SORCS1: variants seen among roughly 807,000 people sequenced by gnomAD.
SORCS1 encodes VPS10 domain-containing receptor SorCS1.
A neutral mutation model predicts 146.1 loss-of-function variants in SORCS1; 60 were observed. The observed-to-expected ratio is 0.41, with a 90% CI of 0.33 to 0.51. The LOEUF is 0.51. SORCS1 is among the 20% of genes least tolerant of loss of function. The pLI, the probability that SORCS1 is intolerant of heterozygous loss-of-function variation, is 0.21. For missense variants in SORCS1, 1,352 were observed against 1,487.6 expected, an observed-to-expected ratio of 0.91 and a Z score of 1.50; for synonymous variants, 637 against 584.0, an observed-to-expected ratio of 1.09 and a Z score of -1.31.
chr10:107,114,274 T>C (rs1171356554), intron 1 of SORCS1, among the ~76,000 whole-genome samples: 2 of 152,190 alleles, frequency 1.3e-5, no homozygotes, highest in Non-Finnish European at 2.9e-5. Context: ...ACTAATTTTA[T>C]GAGGCCAGCA....
At chr10:107,031,088 G>A (rs1416926994) in intron 1 of SORCS1, among the ~76,000 whole-genome samples, 4 of 152,132 alleles carry the variant, frequency 2.6e-5, no homozygotes, top group Non-Finnish European at 5.9e-5. Flanking sequence ...CCTATGTGGA[G>A]GGTATTCATG....
In SORCS1 at chr10:107,141,446, G is replaced by T. The variant is rs676566; in HGVS notation, c.558+22523C>A. ...GCTGAGGAAGTATGCAGTGAGCCCA[G>T]TGGGGATTATTGGACTATTTTTCAA... On this transcript the variant is annotated intron_variant, in intron 1 of 25. Coordinates refer to ENST00000263054, the MANE Select transcript of SORCS1 (RefSeq NM_052918.5). Among the ~76,000 whole-genome samples, 327 of 152,014 alleles carry T rather than the reference G, an allele frequency of 2.2e-3. 2 individuals carry two copies. Among genetic ancestry groups the T allele is most frequent in the African/African-American group, 7.4e-3 (307 of 41,452 alleles).
At chr10:107,074,290 G>A (rs1455595273) in intron 1 of SORCS1, among the ~76,000 whole-genome samples, 1 of 152,076 alleles carries the variant, frequency 6.6e-6, no homozygotes, top group Non-Finnish European at 1.5e-5. Flanking sequence ...TTGGAATCAC[G>A]CATTATGCAG....
intron 1 of SORCS1, among the ~76,000 whole-genome samples, chr10:107,021,291 T>A (rs1283638713): frequency 6.6e-6 from 1 of 151,862 alleles, no homozygotes; most frequent in Non-Finnish European, 1.5e-5. Context: ...GGCAGGTGGA[T>A]CACGAGGTCA....
intron 1 of SORCS1, among the ~76,000 whole-genome samples, chr10:107,086,366 C>A (rs1444608626): frequency 6.6e-6 from 1 of 152,092 alleles, no homozygotes; most frequent in South Asian, 2.1e-4. Flanking sequence ...CATTTAAAGA[C>A]AAGTTTTTAA....
At chr10:106,973,251 T>C (rs938607923) in intron 1 of SORCS1, among the ~76,000 whole-genome samples, 1 of 152,112 alleles carries the variant, frequency 6.6e-6, no homozygotes, top group African/African-American at 2.4e-5. Flanking sequence ...GTAAAGAAGG[T>C]TAAGGAAGGC....
chr10:106,774,795 T>C (rs1382517197), intron 4 of SORCS1, among the ~76,000 whole-genome samples: 2 of 152,200 alleles, frequency 1.3e-5, no homozygotes, highest in Non-Finnish European at 2.9e-5. Flanking sequence ...GTTAATCATC[T>C]ATCTCCAGAT....
At chr10:106,710,456 C>G (rs1157492064) in intron 6 of SORCS1, among the ~76,000 whole-genome samples, 2 of 132,832 alleles carry the variant, frequency 1.5e-5, no homozygotes, top group Admixed American at 1.5e-4. Context: ...AAAAGCAAAA[C>G]CGAATTGGGA....
At chr10:107,164,895 C>T (rs1969996612), upstream of SORCS1, among the ~76,000 whole-genome samples, 2 of 147,904 alleles carry the variant, frequency 1.4e-5, no homozygotes, top group South Asian at 2.1e-4. The surrounding 1 kb of genome is among the most constrained non-coding windows in gnomAD (Gnocchi z 6.8). Flanking sequence ...CTGGAGGCGC[C>T]GCCGGCGACC....
intron 1 of SORCS1, among the ~76,000 whole-genome samples, chr10:107,057,732 T>C (rs1452837912): frequency 6.6e-6 from 1 of 152,230 alleles, no homozygotes; most frequent in Non-Finnish European, 1.5e-5. Flanking sequence ...AGAACACATA[T>C]ATCCTTTTCA....
intron 2 of SORCS1, among the ~76,000 whole-genome samples, chr10:106,832,853 A>G (rs1948613912): frequency 6.6e-6 from 1 of 152,176 alleles, no homozygotes; most frequent in Non-Finnish European, 1.5e-5. Context: ...ACTAGTCTAT[A>G]GAGAGTGTGA....
At chr10:106,645,550 A>G (rs1447808491) in intron 18 of SORCS1, among the ~76,000 whole-genome samples, 1 of 152,092 alleles carries the variant, frequency 6.6e-6, no homozygotes, top group Non-Finnish European at 1.5e-5. Context: ...ATATTATTAT[A>G]AATTAAGTTG....
At chr10:106,731,069 GGA>G (rs1489395989) in intron 5 of SORCS1, among the ~76,000 whole-genome samples, 4 of 151,262 alleles carry the variant, frequency 2.6e-5, no homozygotes, top group Admixed American at 2.6e-4. Context: ...CAGCACTTTG[GGA>G]GGCTGAGGTG....
At chr10:106,921,219 C>G (rs1164232960) in intron 2 of SORCS1, among the ~76,000 whole-genome samples, 1 of 152,104 alleles carries the variant, frequency 6.6e-6, no homozygotes, top group Non-Finnish European at 1.5e-5. Flanking sequence ...TCATGGGGCT[C>G]AAAGTGAGGG....
intron 1 of SORCS1, among the ~76,000 whole-genome samples, chr10:107,073,951 C>T (rs1483213739): frequency 5.3e-5 from 8 of 151,948 alleles, no homozygotes; most frequent in Non-Finnish European, 1.2e-4. Flanking sequence ...CCATATATTC[C>T]GTGCTCCCAC....
intron 1 of SORCS1, among the ~76,000 whole-genome samples, chr10:107,074,372 A>AG (rs1487924538): frequency 3.3e-5 from 5 of 152,206 alleles, no homozygotes; most frequent in African/African-American, 1.2e-4. Context: ...ATGACTTGAT[A>AG]GCTCATTTCT....
At chr10:106,929,813 A>G (rs563272831) in intron 2 of SORCS1, among the ~76,000 whole-genome samples, 2 of 152,250 alleles carry the variant, frequency 1.3e-5, no homozygotes, top group Admixed American at 1.3e-4. Context: ...TAATCAGAGC[A>G]CTTGGTTGCT....
chr10:106,855,473 A>G (rs1949750172), intron 2 of SORCS1, among the ~76,000 whole-genome samples: 1 of 151,998 alleles, frequency 6.6e-6, no homozygotes, highest in Non-Finnish European at 1.5e-5. Flanking sequence ...TGCTTCATAC[A>G]TTGCTTGTTT....
At chr10:106,716,077 T>C (rs1023143322) in intron 6 of SORCS1, among the ~76,000 whole-genome samples, 1 of 152,202 alleles carries the variant, frequency 6.6e-6, no homozygotes, top group Admixed American at 6.5e-5. Context: ...ATTCAATTTT[T>C]GTTTGGGTTA....
Sources: gnomAD v4.1 joint callset for allele counts (sites outside exome capture counted in the v4.1 genomes callset) on GRCh38, gnomAD v4.1.1 for gene constraint, Gnocchi (gnomAD v3.1) non-coding constraint, MANE v1.5 for transcripts, NCBI Gene and HGNC (gene_info 2026-07-23, HGNC 2026-07-21) for gene names.